PIBF1: variants seen among roughly 807,000 people sequenced by gnomAD.
PIBF1 encodes the protein progesterone immunomodulatory binding factor 1, also known as progesterone-induced-blocking factor 1.
In PIBF1, 90 loss-of-function variants were observed where a neutral mutation model predicts 112.5. The ratio of observed to expected loss-of-function variants is 0.80; its 90% confidence interval spans 0.67 to 0.95. The LOEUF (loss-of-function observed/expected upper bound fraction) is 0.95, where lower values mean the gene tolerates loss of function less well. Ranked by LOEUF, PIBF1 falls within the 40% of genes least tolerant of loss-of-function variation. PIBF1 has a pLI of 0.00. For synonymous variants in PIBF1, 301 were observed against 288.6 expected (o/e 1.04, Z -0.44); for missense variants, 915 against 852.3 (o/e 1.07, Z -0.92).
chr13:72,857,579 C>T (rs2038481204), intron 10 of PIBF1, among the ~76,000 whole-genome samples: 1 of 152,206 alleles, frequency 6.6e-6, no homozygotes, highest in African/African-American at 2.4e-5. Context: ...TGGCTCATGC[C>T]TGTAATCCCA....
Position 72,830,626 on chromosome 13 carries a change from A to G in PIBF1, c.1097+2712A>G, listed in dbSNP as rs138013207. Among the ~76,000 whole-genome samples, 180 of 152,274 alleles carry G rather than the reference A, an allele frequency of 1.2e-3. 1 individual carries two copies. Among genetic ancestry groups the G allele is most frequent in the African/African-American group, 4.2e-3 (174 of 41,556 alleles). On this transcript the variant is annotated intron_variant, in intron 8 of 17. Coordinates refer to ENST00000326291, the MANE Select transcript of PIBF1 (RefSeq NM_006346.4). Reference sequence around the variant, plus strand: ...GCCTTGCCTCCCTGGTATGAAGCCAACTTGATCATGGTGGATAAGCTTTTT... The same window carrying G: ...GCCTTGCCTCCCTGGTATGAAGCCAGCTTGATCATGGTGGATAAGCTTTTT...
intron 16 of PIBF1, among the ~76,000 whole-genome samples, chr13:72,987,870 T>TATTTA (rs1566522374): frequency 5.3e-5 from 6 of 113,414 alleles, no homozygotes; most frequent in African/African-American, 2.1e-4. Flanking sequence ...TTTTTTTTTT[T>TATTTA]TTTTTTTTTT....
intron 6 of PIBF1, among the ~76,000 whole-genome samples, chr13:72,824,339 A>G (rs963269834): frequency 3.3e-5 from 5 of 152,046 alleles, no homozygotes; most frequent in Admixed American, 2.6e-4. Flanking sequence ...TCTAATTCCA[A>G]TTCAACACTG....
chr13:72,896,155 C>G (rs1163761464), intron 11 of PIBF1, among the ~76,000 whole-genome samples: 3 of 152,166 alleles, frequency 2.0e-5, no homozygotes, highest in African/African-American at 7.2e-5. Flanking sequence ...CAGTACCAGC[C>G]TGGAGCTGGG....
intron 10 of PIBF1, among the ~76,000 whole-genome samples, chr13:72,864,256 T>TA (rs1442019037): frequency 1.3e-5 from 2 of 152,176 alleles, no homozygotes; most frequent in East Asian, 3.8e-4. Flanking sequence ...GATGGGGTGT[T>TA]CCATGGTCTT....
intron 9 of PIBF1, among the ~76,000 whole-genome samples, chr13:72,852,037 C>G (rs1017119763): frequency 6.6e-6 from 1 of 152,174 alleles, no homozygotes; most frequent in Non-Finnish European, 1.5e-5. Flanking sequence ...ACCTCTTTGT[C>G]TTATTCATGC....
chr13:72,973,735 A>T, intron 16 of PIBF1, 60 bp downstream of exon 16: 1 of 898,786 alleles, frequency 1.1e-6, no homozygotes, highest in South Asian at 1.5e-5. Flanking sequence ...AACTGCTATC[A>T]GGTTAAAATT....
intron 2 of PIBF1, among the ~76,000 whole-genome samples, chr13:72,787,625 G>A (rs981494514): frequency 2.0e-5 from 3 of 151,944 alleles, no homozygotes; most frequent in Non-Finnish European, 4.4e-5. Flanking sequence ...AAGAAGAAAG[G>A]GGCTCAATTT....
intron 10 of PIBF1, among the ~76,000 whole-genome samples, chr13:72,893,297 T>G (rs1281250760): frequency 1.3e-5 from 2 of 152,008 alleles, no homozygotes; most frequent in Admixed American, 1.3e-4. Context: ...ATTTTTTTCT[T>G]GTAATATCAA....
In PIBF1 at chr13:72,788,155, G is replaced by A. The variant is rs531212736; in HGVS notation, c.253-4292G>A. Among the ~76,000 whole-genome samples, 6 of 152,302 alleles carry A rather than the reference G, an allele frequency of 3.9e-5. No individual in the cohort carries two copies. In the South Asian group the frequency reaches 1.2e-3, roughly 32 times the overall value. The stretch of plus-strand genomic sequence containing the variant: ...GTAGATTTCTGCTCAGTGTAAGCCT[G>A]TTATTGCTATTAACATTGAAATGGC... On this transcript the variant is annotated intron_variant, in intron 2 of 17. Transcript: ENST00000326291.
chr13:72,935,165 T>C (rs1555318774), intron 14 of PIBF1, among the ~76,000 whole-genome samples: 1 of 152,128 alleles, frequency 6.6e-6, no homozygotes. Flanking sequence ...TTTGTATTTT[T>C]AGTAGAGGCG....
chr13:73,010,810 CTTTTTTTTT>C (rs1176079981), intron 17 of PIBF1, among the ~76,000 whole-genome samples: 173 of 40,332 alleles, frequency 4.3e-3, no homozygotes, highest in Admixed American at 4.3e-3. Flanking sequence ...ATTAACTTTT[CTTTTTTTTT>C]TTTTTTTTTT....
intron 12 of PIBF1, among the ~76,000 whole-genome samples, chr13:72,910,461 AACAAATTAG>A (rs530774951): frequency 6.6e-6 from 1 of 152,224 alleles, no homozygotes; most frequent in African/African-American, 2.4e-5. Context: ...CCTTTGTCTA[AACAAATTAG>A]GAATAGAAGG....
intron 15 of PIBF1, among the ~76,000 whole-genome samples, chr13:72,972,008 ATTT>A (rs2042905718): frequency 2.6e-5 from 1 of 38,354 alleles, no homozygotes; most frequent in Admixed American, 3.8e-4. Context: ...GCTTTCATTT[ATTT>A]ATTTATTTAT....
rs569006281 is a variant in PIBF1, at chr13:72,870,618, A to G, written c.1322+16463A>G. Reference sequence around the variant, plus strand: ...CAGTTTTGAAAGAGCTGAAATACATATATACATATTTATATTTTAAAGCAA... The same window carrying G: ...CAGTTTTGAAAGAGCTGAAATACATGTATACATATTTATATTTTAAAGCAA... On this transcript the variant is annotated intron_variant, in intron 10 of 17. Transcript: ENST00000326291. Among the ~76,000 whole-genome samples, 108 of 152,282 alleles carry G rather than the reference A, an allele frequency of 7.1e-4. 1 individual carries two copies. The highest frequency in any genetic ancestry group is 2.6e-3 in the African/African-American group (108 of 41,560).
chr13:72,946,156 T>C (rs923233986), intron 14 of PIBF1, among the ~76,000 whole-genome samples: 17 of 152,156 alleles, frequency 1.1e-4, no homozygotes, highest in African/African-American at 4.1e-4. Context: ...TCTGCAGGGC[T>C]GAGGAGGCCT....
intron 15 of PIBF1, among the ~76,000 whole-genome samples, chr13:72,972,972 ACTT>A (rs1365562516): frequency 5.3e-5 from 8 of 152,318 alleles, no homozygotes; most frequent in African/African-American, 1.9e-4. Context: ...CTGACATAGT[ACTT>A]CTTACCTTTT....
chr13:72,945,599 A>G (rs140235451), intron 14 of PIBF1, among the ~76,000 whole-genome samples: 22 of 152,278 alleles, frequency 1.4e-4, no homozygotes, highest in African/African-American at 4.3e-4. Context: ...ACCTCATTGT[A>G]GTTTTGATAT....
chr13:72,974,479 C>T (rs908158364), intron 16 of PIBF1, among the ~76,000 whole-genome samples: 1 of 152,118 alleles, frequency 6.6e-6, no homozygotes, highest in Admixed American at 6.6e-5. Flanking sequence ...TTGAGTCTGG[C>T]TTTTCTCAGT....
Sources: gnomAD v4.1 joint callset for allele counts (sites outside exome capture counted in the v4.1 genomes callset) on GRCh38, gnomAD v4.1.1 for gene constraint, MANE v1.5 for transcripts, NCBI Gene and HGNC (gene_info 2026-07-23, HGNC 2026-07-21) for gene names.